Variants in COL12A1 observed in about 807,000 individuals in gnomAD.
COL12A1 encodes collagen type XII alpha 1 chain, also known as collagen alpha-1(XII) chain.
Under a neutral mutation model 349.7 loss-of-function variants are expected in COL12A1, and 114 were observed. That is an observed-to-expected ratio of 0.33 (90% confidence interval 0.28 to 0.38). COL12A1 has a LOEUF of 0.38. Among genes scored for constraint, COL12A1 ranks in the 10% least tolerant of loss-of-function variants. The pLI, the probability that COL12A1 is intolerant of heterozygous loss-of-function variation, is 1.00. For synonymous variants in COL12A1, 1,369 were observed against 1,329.0 expected, an observed-to-expected ratio of 1.03 and a Z score of -0.66; for missense variants, 3,284 against 3,756.9, an observed-to-expected ratio of 0.87 and a Z score of 3.29.
intron 4 of COL12A1, among the ~76,000 whole-genome samples, 161 bp from the exon 5 acceptor site, chr6:75,191,921 T>G (rs536469469): frequency 4.5e-4 from 69 of 152,144 alleles, no homozygotes; most frequent in African/African-American, 1.5e-3. Flanking sequence ...CCCTTACAAG[T>G]AAGTTATTTT....
rs772841735 is a variant in COL12A1, at chr6:75,183,395, A to C, written c.1546T>G (p.Ser516Ala). ...AINTFPYRGG[S>A]TNTGKAMTYV... ...GTCATTGCTTTGCCAGTATTTGTAGATCCTCCTCTGTAAGGGAAGGTGTTT... is the reference window on the plus strand; with the variant it reads ...GTCATTGCTTTGCCAGTATTTGTAGCTCCTCCTCTGTAAGGGAAGGTGTTT... Residue 516 changes from serine (S) to alanine (A), a missense_variant, in exon 10 of 66, where the codon TCT (serine) becomes GCT (alanine). Physicochemically the swap from Ser to Ala is moderately conservative, Grantham distance 99 (BLOSUM62 1). Around this residue, in one of 2 missense-constraint regions of COL12A1, gnomAD observed 2,601 missense variants for 2,824.8 expected, o/e 0.92. Transcript: ENST00000322507. The C allele has an allele frequency of 6.2e-7, 1 of 1,614,204 alleles. No homozygotes were observed. Among genetic ancestry groups the C allele is most frequent in the South Asian group, 1.1e-5 (1 of 91,084 alleles).
intron 58 of COL12A1, among the ~76,000 whole-genome samples, chr6:75,098,331 T>C (rs890209045): frequency 6.6e-6 from 1 of 152,094 alleles, no homozygotes; most frequent in African/African-American, 2.4e-5. Flanking sequence ...TCTCCACTCC[T>C]GGTGAATTTC....
At chr6:75,184,743 A>G (rs1182767692) in intron 8 of COL12A1, among the ~76,000 whole-genome samples, 1 of 152,230 alleles carries the variant, frequency 6.6e-6, no homozygotes, top group Admixed American at 6.5e-5. Context: ...GGCTTATAAC[A>G]TGCATATTAA....
chr6:75,092,193 TG>T (rs1010439301), intron 60 of COL12A1, among the ~76,000 whole-genome samples: 1 of 151,814 alleles, frequency 6.6e-6, no homozygotes, highest in African/African-American at 2.4e-5. Flanking sequence ...ACAGGCCTGT[TG>T]GGGGGTCAGG....
chr6:75,175,326 A>T lies in COL12A1; in HGVS notation c.2438-16T>A, dbSNP rs776611041. ...TTCCCTCTAACTTCATTAAAAAATG[A>T]CAACATCATCAAAACCCATTATTTA... On this transcript the variant is annotated splice_polypyrimidine_tract_variant and intron_variant, in intron 12 of 65. Coordinates refer to ENST00000322507, the MANE Select transcript of COL12A1 (RefSeq NM_004370.6). 2 of 1,604,484 alleles carry T rather than the reference A, an allele frequency of 1.2e-6. No homozygotes were observed. Among genetic ancestry groups the T allele is most frequent in the South Asian group, 2.2e-5 (2 of 89,466 alleles).
chr6:75,102,655 C>T lies in COL12A1; in HGVS notation c.8357G>A (p.Gly2786Asp), dbSNP rs796052094. 6.4e-7 allele frequency: 1 copy of T among 1,573,016 alleles called. No homozygotes were observed. The highest frequency in any genetic ancestry group is 8.6e-7 in the Non-Finnish European group (1 of 1,160,906). Residue 2786 changes from glycine (G) to aspartate (D), a missense_variant, in exon 56 of 66, where the codon GGC (glycine) becomes GAC (aspartate). Physicochemically the swap from Gly to Asp is moderately conservative, Grantham distance 94. Coordinates refer to ENST00000322507, the MANE Select transcript of COL12A1 (RefSeq NM_004370.6). The part of the protein sequence containing the change: ...PGPRGDIGPP[G>D]PQGPPGPQGP... ...CTGAGGGCCTGGAGGACCCTGGGGG[C>T]CTGGAGGACCTATGTCTCCACGAGG...
intron 13 of COL12A1, among the ~76,000 whole-genome samples, chr6:75,173,299 T>C (rs1166313461): frequency 6.6e-6 from 1 of 152,208 alleles, no homozygotes; most frequent in African/African-American, 2.4e-5. Context: ...TAAACACTGG[T>C]ATTTAATCTT....
chr6:75,136,462 T>A (rs1222672662), intron 31 of COL12A1, among the ~76,000 whole-genome samples: 1 of 152,174 alleles, frequency 6.6e-6, no homozygotes, highest in African/African-American at 2.4e-5. Context: ...CTGGGTAGTA[T>A]CAGAGATCTT....
rs1176510437 is a variant in COL12A1 at position 75,189,342 on chromosome 6, T to G, written c.698A>C (p.Glu233Ala). The change falls in exon 7 of 66, where the codon GAA becomes GCA. Residue 233 changes from glutamate (E) to alanine (A), a missense_variant. Coordinates refer to ENST00000322507, the MANE Select transcript of COL12A1 (RefSeq NM_004370.6). ...AAAGCCAACTCTTGCCCCAGCAGAT[T>G]CCGTGAAAGTATTTTTAACTAAATA... is the stretch of plus-strand genomic sequence containing the variant. ...IDYLVKNTFTESAGARVGFPK... is the reference protein window; with the variant it reads ...IDYLVKNTFTASAGARVGFPK... The G allele has an allele frequency of 6.2e-7, 1 of 1,612,812 alleles. No homozygotes were observed. The highest frequency in any genetic ancestry group is 8.5e-7 in the Non-Finnish European group (1 of 1,179,422).
rs1304140510 is a variant in COL12A1, at chr6:75,151,966, G to A, written c.3901C>T (p.Arg1301Ter). The change falls in exon 20 of 66, where the codon CGA becomes TGA. Residue 1301 changes from arginine (R) to a stop codon, truncating the protein, a stop_gained. Coordinates refer to ENST00000322507, the MANE Select transcript of COL12A1 (RefSeq NM_004370.6). LOFTEE classifies it high-confidence loss of function. ...TCAGTAATGAGCACACCAATTTTTC[G>A]AGCTCGAGGTCTCATGCCAGCTTGG... ...RTQAGMRPRA[R>*]KIGVLITDGK... 5.0e-6 allele frequency: 8 copies of A among 1,613,620 alleles called. No homozygotes were observed. The highest frequency in any genetic ancestry group is 2.7e-5 in the African/African-American group (2 of 74,820).
At chr6:75,122,657 G>A (rs912504368) in intron 43 of COL12A1, among the ~76,000 whole-genome samples, 2 of 151,962 alleles carry the variant, frequency 1.3e-5, no homozygotes, top group African/African-American at 4.8e-5. Context: ...TAGGTTTAAC[G>A]AAGTTGTAAC....
intron 8 of COL12A1, among the ~76,000 whole-genome samples, chr6:75,184,729 C>G (rs1367216233): frequency 6.6e-6 from 1 of 152,098 alleles, no homozygotes; most frequent in African/African-American, 2.4e-5. Context: ...AGAGGGGAAA[C>G]AATGGCTTAT....
At position 75,189,351 on chromosome 6, in the gene COL12A1, G is replaced by A. The variant is rs1166241087; in HGVS notation, c.689C>T (p.Thr230Ile). 1 of 1,612,838 alleles carries A rather than the reference G, an allele frequency of 6.2e-7. No individual in the cohort carries two copies. Among genetic ancestry groups the A allele is most frequent in the Non-Finnish European group, 8.5e-7 (1 of 1,179,398 alleles). ...TCTTGCCCCAGCAGATTCCGTGAAA[G>A]TATTTTTAACTAAATAATCAATGGC... Reference protein sequence around the residue: ...GDAIDYLVKNTFTESAGARVG... With the variant: ...GDAIDYLVKNIFTESAGARVG... Residue 230 changes from threonine (T) to isoleucine (I), a missense_variant, in exon 7 of 66, where the codon ACT becomes ATT. By Grantham distance (89) the Thr-to-Ile change is moderately conservative. Around this residue, in one of 2 missense-constraint regions of COL12A1, gnomAD observed 2,601 missense variants for 2,824.8 expected, o/e 0.92. Transcript: ENST00000322507.
intron 58 of COL12A1, among the ~76,000 whole-genome samples, chr6:75,098,214 A>G (rs963851480): frequency 1.3e-5 from 2 of 152,242 alleles, no homozygotes; most frequent in African/African-American, 4.8e-5. Flanking sequence ...CCTGCCATAC[A>G]TACAGACATA....
intron 14 of COL12A1, among the ~76,000 whole-genome samples, chr6:75,161,333 TATAA>T (rs1444416830): frequency 1.3e-5 from 2 of 152,268 alleles, no homozygotes; most frequent in South Asian, 2.1e-4. Flanking sequence ...GTAAATGTCA[TATAA>T]ATAATTATTA....
At chr6:75,195,044 T>C in intron 2 of COL12A1, 97 bp from the exon 3 acceptor site, 1 of 662,406 alleles carries the variant, frequency 1.5e-6, no homozygotes, top group South Asian at 2.6e-5. Context: ...TTTCTAAAAT[T>C]GTCTTTGCAT....
At chr6:75,178,509 A>T (rs1370045223) in intron 11 of COL12A1, among the ~76,000 whole-genome samples, 3 of 152,232 alleles carry the variant, frequency 2.0e-5, no homozygotes, top group Admixed American at 1.3e-4. Flanking sequence ...CATTAGATCT[A>T]CATCTTGAAG....
Position 75,152,348 on chromosome 6 carries a change from T to C in COL12A1, c.3700A>G (p.Lys1234Glu). The change falls in exon 18 of 66, where the codon AAA (lysine) becomes GAA (glutamate). Residue 1234 changes from lysine to glutamate, a missense_variant. By Grantham distance (56) the Lys-to-Glu change is moderately conservative. Around this residue, in one of 2 missense-constraint regions of COL12A1, gnomAD observed 2,601 missense variants for 2,824.8 expected, o/e 0.92. Coordinates refer to ENST00000322507, the MANE Select transcript of COL12A1 (RefSeq NM_004370.6). ...CAGAACCTACCAATTTGTACTCTTT[T>C]GGGGCCAATGTCAAAGACTTCCACA... ...RIVEVFDIGP[K>E]RVQIALAQYS... is the part of the protein sequence containing the mutation. 6.2e-7 allele frequency: 1 copy of C among 1,613,608 alleles called. No homozygotes were observed. Among genetic ancestry groups the C allele is most frequent in the African/African-American group, 1.3e-5 (1 of 74,996 alleles).
At position 75,138,928 on chromosome 6, in the gene COL12A1, G is replaced by T. The variant is rs754587593; in HGVS notation, c.4991C>A (p.Thr1664Asn). The change falls in exon 28 of 66, where the codon ACT (threonine) becomes AAT (asparagine). Residue 1664 changes from threonine (T) to asparagine (N), a missense_variant. Physicochemically the swap from Thr to Asn is moderately conservative, Grantham distance 65 (BLOSUM62 0). Coordinates refer to ENST00000322507, the MANE Select transcript of COL12A1 (RefSeq NM_004370.6). ...TCTGAAACCCTCTGATGTTACTTCA[G>T]TAATCTTTAAGTTTGTTGGGGCTGG... ...PVPAPTNLKI[T>N]EVTSEGFRGT... 5.0e-6 allele frequency: 8 copies of T among 1,613,956 alleles called. No individual in the cohort carries two copies. The Admixed American group carries it at 1.3e-4, about 27-fold the overall frequency.
Sources: allele counts gnomAD v4.1 joint callset (sites outside exome capture counted in the v4.1 genomes callset), GRCh38; gene constraint gnomAD v4.1.1; regional missense constraint gnomAD v4.1.1; transcripts MANE v1.5; gene names NCBI Gene and HGNC (gene_info 2026-07-23, HGNC 2026-07-21).